OLFM2: variants seen among roughly 807,000 people sequenced by gnomAD.
OLFM2 encodes the protein olfactomedin 2.
Under a neutral mutation model 43.9 loss-of-function variants are expected in OLFM2, and 20 were observed. The ratio of observed to expected loss-of-function variants is 0.46; its 90% CI spans 0.32 to 0.66. The LOEUF is 0.66. Ranked by LOEUF, OLFM2 falls within the 30% of genes least tolerant of loss-of-function variation. OLFM2 has a pLI of 0.04. For missense variants in OLFM2, 416 were observed against 643.6 expected (o/e 0.65, Z 3.83); for synonymous variants, 268 against 278.6 (o/e 0.96, Z 0.38).
chr19:9,926,353 C>A (rs2086452852), intron 1 of OLFM2, among the ~76,000 whole-genome samples: 1 of 149,566 alleles, frequency 6.7e-6, no homozygotes, highest in Admixed American at 6.7e-5. Context: ...GAGATCGAGA[C>A]CATCCTGGCT....
intron 1 of OLFM2, among the ~76,000 whole-genome samples, chr19:9,883,551 C>T (rs907420716): frequency 1.3e-5 from 2 of 152,070 alleles, no homozygotes; most frequent in Admixed American, 1.3e-4. Flanking sequence ...GGCCCGTGGC[C>T]CCCCAGCTTC....
chr19:9,911,434 A>G (rs1402051464), intron 1 of OLFM2, among the ~76,000 whole-genome samples: 1 of 152,138 alleles, frequency 6.6e-6, no homozygotes, highest in Non-Finnish European at 1.5e-5. Flanking sequence ...TTGGATGAAG[A>G]TGCTGTTAGC....
intron 1 of OLFM2, among the ~76,000 whole-genome samples, chr19:9,904,178 G>GTGTGTGTGTGTGTA: frequency 6.6e-6 from 1 of 150,720 alleles, no homozygotes; most frequent in African/African-American, 2.4e-5. Context: ...GTGTGTGTGT[G>GTGTGTGTGTGTGTA]TGTGTGTGTG....
chr19:9,879,047 T>C (rs2046516345), intron 1 of OLFM2, among the ~76,000 whole-genome samples: 1 of 152,124 alleles, frequency 6.6e-6, no homozygotes, highest in African/African-American at 2.4e-5. Flanking sequence ...AATGCTGGAA[T>C]AGGGGCCCAG....
chr19:9,927,011 C>T (rs921834348), intron 1 of OLFM2, among the ~76,000 whole-genome samples: 4 of 150,758 alleles, frequency 2.7e-5, no homozygotes, highest in African/African-American at 9.8e-5. Context: ...AGGTCCAGCA[C>T]GGTGGCTGAC....
chr19:9,928,149 T>C (rs1469049182), intron 1 of OLFM2, among the ~76,000 whole-genome samples: 2 of 151,778 alleles, frequency 1.3e-5, no homozygotes, highest in Admixed American at 1.3e-4. Flanking sequence ...AGGTTGAGGC[T>C]ACAGTGGGCT....
At chr19:9,855,863 T>C (rs1344240804) in intron 5 of OLFM2, among the ~76,000 whole-genome samples, 1 of 151,860 alleles carries the variant, frequency 6.6e-6, no homozygotes, top group Non-Finnish European at 1.5e-5. Flanking sequence ...AGACCCTAAG[T>C]GGACAATGCT....
chr19:9,910,706 C>T (rs571153116), intron 1 of OLFM2, among the ~76,000 whole-genome samples: 4 of 151,940 alleles, frequency 2.6e-5, no homozygotes, highest in Middle Eastern at 6.8e-3. Flanking sequence ...TTGGTGAATG[C>T]ATGGATAGAG....
At chr19:9,913,534 C>A in intron 1 of OLFM2, 1 of 1,210,632 alleles carries the variant, frequency 8.3e-7, no homozygotes, top group Non-Finnish European at 1.0e-6. Context: ...GCCCCACGAG[C>A]GAGGGCAGCG....
At chr19:9,868,971 ATTTT>A (rs33994907) in intron 1 of OLFM2, among the ~76,000 whole-genome samples, 2 of 102,880 alleles carry the variant, frequency 1.9e-5, no homozygotes, top group Admixed American at 1.2e-4. Flanking sequence ...AGTCCCTTAA[ATTTT>A]TTTTTTTTTT....
intron 1 of OLFM2, among the ~76,000 whole-genome samples, chr19:9,894,921 G>T (rs2046670320): frequency 6.6e-6 from 1 of 151,810 alleles, no homozygotes; most frequent in Admixed American, 6.6e-5. Flanking sequence ...CGCTCCCCCT[G>T]CCCCAGATAT....
chr19:9,882,176 G>C (rs1302244213), intron 1 of OLFM2, among the ~76,000 whole-genome samples: 4 of 150,990 alleles, frequency 2.6e-5, no homozygotes, highest in Admixed American at 2.6e-4. Flanking sequence ...GGAGGTCAAG[G>C]CTGCAGTGAG....
chr19:9,864,648 G>T (rs998112034), intron 1 of OLFM2, among the ~76,000 whole-genome samples: 1 of 150,308 alleles, frequency 6.7e-6, no homozygotes, highest in East Asian at 2.0e-4. Flanking sequence ...CTCAGGTCTG[G>T]GTCTTGCTGT....
chr19:9,861,800 C>G (rs941590110), intron 1 of OLFM2, among the ~76,000 whole-genome samples: 4 of 152,148 alleles, frequency 2.6e-5, no homozygotes, highest in African/African-American at 9.7e-5. Context: ...AGGTGGATCA[C>G]CTGAGGTCAG....
At chr19:9,873,796 ATTTTTTTTTTTTTTTTTTTTT>A (rs71188848) in intron 1 of OLFM2, among the ~76,000 whole-genome samples, 6 of 70,468 alleles carry the variant, frequency 8.5e-5, no homozygotes, top group African/African-American at 3.2e-4. Flanking sequence ...TGCCCAGCTA[ATTTTTTTTTTTTTTTTTTTTT>A]TTTTTTTTTT....
At chr19:9,869,083 T>C (rs1470876648) in intron 1 of OLFM2, among the ~76,000 whole-genome samples, 3 of 132,892 alleles carry the variant, frequency 2.3e-5, no homozygotes, top group Non-Finnish European at 4.6e-5. Flanking sequence ...ACCTGAACAA[T>C]CAGCATATGG....
intron 1 of OLFM2, among the ~76,000 whole-genome samples, chr19:9,885,476 G>T (rs1471465376): frequency 3.9e-5 from 6 of 152,218 alleles, no homozygotes; most frequent in Non-Finnish European, 7.3e-5. Context: ...GCTCTGCCCA[G>T]AGCTGCTGAC....
intron 1 of OLFM2, among the ~76,000 whole-genome samples, chr19:9,903,667 A>G (rs1159975352): frequency 6.6e-6 from 1 of 152,176 alleles, no homozygotes; most frequent in Non-Finnish European, 1.5e-5. Flanking sequence ...CTGAGGTCAC[A>G]TGGCACTTAC....
At chr19:9,906,948 T>C (rs1192567955) in intron 1 of OLFM2, among the ~76,000 whole-genome samples, 2 of 152,084 alleles carry the variant, frequency 1.3e-5, no homozygotes, top group African/African-American at 4.8e-5. Context: ...AGCTGTTCCA[T>C]CTTGGAGCCA....
Sources: gnomAD v4.1 joint callset for allele counts (sites outside exome capture counted in the v4.1 genomes callset) on GRCh38, gnomAD v4.1.1 for gene constraint, MANE v1.5 for transcripts, NCBI Gene and HGNC (gene_info 2026-07-23, HGNC 2026-07-21) for gene names.